Variants in SLU7 observed in about 807,000 individuals in gnomAD.
SLU7 encodes spliceosome associated SLU7.
Under a neutral mutation model 87.0 loss-of-function variants are expected in SLU7, and 60 were observed. The observed-to-expected ratio is 0.69, with a 90% CI of 0.56 to 0.86. The LOEUF is 0.86. Ranked by LOEUF, SLU7 falls within the 40% of genes least tolerant of loss-of-function variation. The probability of loss-of-function intolerance (pLI) is 0.00; values close to 1 mark genes in which losing one functional copy is unlikely to be tolerated. For synonymous variants in SLU7, 197 were observed against 222.0 expected (o/e 0.89, Z 1.00); for missense variants, 507 against 686.6 (o/e 0.74, Z 2.92).
intron 2 of SLU7, 23 bp downstream of exon 2, chr5:160,415,102 C>A: frequency 6.4e-7 from 1 of 1,551,092 alleles, no homozygotes; most frequent in Non-Finnish European, 8.7e-7. Context: ...ATGAATGGAT[C>A]ATACAAAAAA....
In SLU7 at chr5:160,414,325, T is replaced by G; in HGVS notation, c.318A>C (p.Val106=). Reference sequence around the variant, plus strand: ...ATACAGGTTGCCTACATACCTCTTTTACACCCCTCTTGTACCATTCTCCAG... The same window carrying G: ...ATACAGGTTGCCTACATACCTCTTTGACACCCCTCTTGTACCATTCTCCAG... ...SSSGEWYKRG[V]KENSIITKYR... Residue 106 remains valine, a synonymous_variant, in exon 3 of 16, where the codon GTA becomes GTC. Transcript: ENST00000297151. The G allele has an allele frequency of 1.9e-6, 3 of 1,600,544 alleles. No individual in the cohort carries two copies. The highest frequency in any genetic ancestry group is 2.6e-6 in the Non-Finnish European group (3 of 1,175,334).
intron 2 of SLU7, 37 bp downstream of exon 2, chr5:160,415,088 C>A: frequency 6.7e-7 from 1 of 1,494,438 alleles, no homozygotes; most frequent in Non-Finnish European, 9.0e-7. Context: ...AATTTGAATT[C>A]TGAATGAATG....
chr5:160,404,746 G>C, intron 14 of SLU7, 63 bp downstream of exon 14: 1 of 1,156,976 alleles, frequency 8.6e-7, no homozygotes, highest in Non-Finnish European at 1.3e-6. Flanking sequence ...AAAAACTCAG[G>C]TGCAGGTTTT....
intron 15 of SLU7, 36 bp from the exon 16 acceptor site, chr5:160,403,500 T>C: frequency 6.6e-7 from 1 of 1,518,558 alleles, no homozygotes; most frequent in Non-Finnish European, 8.9e-7. Flanking sequence ...ATCACAGCTC[T>C]ACATCAGATG....
Position 160,404,445 on chromosome 5 carries a change from T to C in SLU7, c.1576A>G (p.Lys526Glu), listed in dbSNP as rs1764913676. The C allele has an allele frequency of 1.1e-5, 18 of 1,568,056 alleles. No individual in the cohort carries two copies. Among genetic ancestry groups the C allele is most frequent in the Non-Finnish European group, 1.4e-5 (16 of 1,146,424 alleles). ...ATTTAGACTTCACAAATTACCTTTT[T>C]CAATTTTTCATGCTTCTTTTCTTCA... The part of the protein sequence containing the change: ...DDEEKKHEKL[K>E]KALNAEEARL... Residue 526 changes from lysine (K) to glutamate (E), a missense_variant, in exon 15 of 16, where the codon AAA becomes GAA. Around this residue, in one of 6 missense-constraint regions of SLU7, gnomAD observed 201 missense variants for 213.4 expected, o/e 0.94. Coordinates refer to ENST00000297151, the MANE Select transcript of SLU7 (RefSeq NM_006425.5).
In SLU7 at chr5:160,413,977, A is replaced by T; in HGVS notation, c.327T>A (p.Asn109Lys). 6.4e-7 allele frequency: 1 copy of T among 1,553,072 alleles called. No individual in the cohort carries two copies. The highest frequency in any genetic ancestry group is 8.7e-7 in the Non-Finnish European group (1 of 1,144,608). ...GEWYKRGVKE[N>K]SIITKYRKGA... ...CTTTGCGGTACTTAGTAATTATGGA[A>T]TTCTATAAATATATATAAAGAAAAA... Residue 109 changes from asparagine to lysine, a missense_variant and splice_region_variant, in exon 4 of 16, where the codon AAT (asparagine) becomes AAA (lysine). Physicochemically the swap from Asn to Lys is moderately conservative, Grantham distance 94. Around this residue, in one of 6 missense-constraint regions of SLU7, gnomAD observed 155 missense variants for 154.4 expected, o/e 1.00. Coordinates refer to ENST00000297151, the MANE Select transcript of SLU7 (RefSeq NM_006425.5).
chr5:160,415,558 C>T (rs1394310547), intron 1 of SLU7, among the ~76,000 whole-genome samples: 2 of 152,212 alleles, frequency 1.3e-5, no homozygotes, highest in Non-Finnish European at 2.9e-5. Context: ...ACTCTTTTCT[C>T]ATATCCATCC....
chr5:160,406,320 TTTGAAAAAATTCCATGA>T (rs1357837053), intron 12 of SLU7, 131 bp downstream of exon 12: 3 of 604,894 alleles, frequency 5.0e-6, no homozygotes, highest in Admixed American at 3.9e-5. Context: ...TTTTTCTATT[TTTGAAAAAATTCCATGA>T]AACAGTTAAA....
Position 160,412,433 on chromosome 5 carries a change from A to T in SLU7, c.639+18T>A. ...TAAAAGAAATAAAACCTTTTTATTG[A>T]TCATTTTCATTACTTACAGCCTGTT... On this transcript the variant is annotated intron_variant, in intron 6 of 15. Coordinates refer to ENST00000297151, the MANE Select transcript of SLU7 (RefSeq NM_006425.5). The T allele has an allele frequency of 7.2e-7, 1 of 1,392,428 alleles. No individual in the cohort carries two copies. The highest frequency in any genetic ancestry group is 1.2e-5 in the South Asian group (1 of 81,574). 86.3% of individuals were successfully genotyped at this position (1,392,428 alleles called of 1,614,324 possible).
Position 160,405,137 on chromosome 5 carries a change from T to G in SLU7, c.1288-2A>C. ...TTTCCAGTACGATCCCCAGATATGC[T>G]GCAGAGAGAGAAATTAAAAAGCTTA... is the stretch of plus-strand genomic sequence containing the variant. On this transcript the variant is annotated splice_acceptor_variant, in intron 12 of 15. Coordinates refer to ENST00000297151, the MANE Select transcript of SLU7 (RefSeq NM_006425.5). LOFTEE classifies it high-confidence loss of function. The G allele has an allele frequency of 6.2e-7, 1 of 1,601,358 alleles. No homozygotes were observed. The highest frequency in any genetic ancestry group is 8.6e-7 in the Non-Finnish European group (1 of 1,169,214).
At chr5:160,410,519 G>A (rs1184848906) in intron 6 of SLU7, among the ~76,000 whole-genome samples, 1 of 151,724 alleles carries the variant, frequency 6.6e-6, no homozygotes, top group African/African-American at 2.4e-5. Context: ...GTATACATAC[G>A]TAACAAACCT....
Position 160,413,557 on chromosome 5 carries a change from G to C in SLU7, c.469C>G (p.Pro157Ala). The part of the protein sequence containing the change: ...TNIAPDEHVQ[P>A]QLMFDYDGKR... ...CCATCATAGTCAAACATCAGTTGAG[G>C]CTGGACATGTTCATCTGGAGCTATA... Residue 157 changes from proline (P) to alanine (A), a missense_variant, in exon 5 of 16, where the codon CCT (proline) becomes GCT (alanine). Pro to Ala is a conservative substitution (Grantham distance 27, BLOSUM62 -1). This residue lies in a region of SLU7 where 155 missense variants were observed against 154.4 expected (regional missense o/e 1.00). Transcript: ENST00000297151. 1 of 1,613,842 alleles carries C rather than the reference G, an allele frequency of 6.2e-7. No individual in the cohort carries two copies. The highest frequency in any genetic ancestry group is 8.5e-7 in the Non-Finnish European group (1 of 1,179,816).
Position 160,404,474 on chromosome 5 carries a change from T to C in SLU7, c.1547A>G (p.Asp516Gly), listed in dbSNP as rs1357521608. The C allele has an allele frequency of 3.7e-6, 6 of 1,605,628 alleles. No individual in the cohort carries two copies. The highest frequency in any genetic ancestry group is 2.2e-5 in the East Asian group (1 of 44,870). Residue 516 changes from aspartate (D) to glycine (G), a missense_variant, in exon 15 of 16, where the codon GAT (aspartate) becomes GGT (glycine). This residue lies in a region of SLU7 where 201 missense variants were observed against 213.4 expected (regional missense o/e 0.94). Coordinates refer to ENST00000297151, the MANE Select transcript of SLU7 (RefSeq NM_006425.5). ...KKHRKSSSDSDDEEKKHEKLK... is the reference protein window; with the variant it reads ...KKHRKSSSDSGDEEKKHEKLK... Reference sequence around the variant, plus strand: ...TTTTTCATGCTTCTTTTCTTCATCATCACTATCTGAACTGCTCTTTCGATG... The same window carrying C: ...TTTTTCATGCTTCTTTTCTTCATCACCACTATCTGAACTGCTCTTTCGATG...
In SLU7 at chr5:160,405,073, GA is replaced by G; in HGVS notation, c.1349del (p.Phe450SerfsTer22). 6.2e-7 allele frequency: 1 copy of G among 1,613,646 alleles called. No individual in the cohort carries two copies. Among genetic ancestry groups the G allele is most frequent in the Non-Finnish European group, 8.5e-7 (1 of 1,179,680 alleles). The stretch of plus-strand genomic sequence containing the variant: ...CTTCTCCAGTACAATAGGAATACTT[GA>G]AAAAAGAGTGACAGCATTTGTATCC... ...RWGYKCCHSF[F>X]KYSYCTGEAG... On this transcript the variant is annotated frameshift_variant, in exon 13 of 16. Coordinates refer to ENST00000297151, the MANE Select transcript of SLU7 (RefSeq NM_006425.5). LOFTEE classifies it high-confidence loss of function.
chr5:160,404,665 G>T, intron 14 of SLU7, 109 bp from the exon 15 acceptor site: 1 of 878,056 alleles, frequency 1.1e-6, no homozygotes, highest in Admixed American at 2.3e-5. Context: ...GGCGGAAGTT[G>T]CAGTGGGCCC....
intron 1 of SLU7, among the ~76,000 whole-genome samples, chr5:160,415,527 G>A (rs767917379): frequency 2.0e-5 from 3 of 152,112 alleles, no homozygotes; most frequent in Non-Finnish European, 4.4e-5. Flanking sequence ...AGACACACAC[G>A]TGTATTTAAA....
Position 160,408,313 on chromosome 5 carries a change from A to C in SLU7, c.819+16T>G. On this transcript the variant is annotated intron_variant, in intron 8 of 15. Coordinates refer to ENST00000297151, the MANE Select transcript of SLU7 (RefSeq NM_006425.5). ...AAGTATTTTTCAAATATGTATGTTA[A>C]GCTGACAAGACTTACTTTTGCAATA... The C allele has an allele frequency of 6.2e-7, 1 of 1,602,006 alleles. No individual in the cohort carries two copies. The highest frequency in any genetic ancestry group is 8.5e-7 in the Non-Finnish European group (1 of 1,174,194).
At chr5:160,413,037 TA>T (rs1765304959) in intron 5 of SLU7, among the ~76,000 whole-genome samples, 5 of 152,078 alleles carry the variant, frequency 3.3e-5, no homozygotes, top group Admixed American at 3.3e-4. Context: ...TAAAATAAAA[TA>T]AAATTTTCTG....
Position 160,414,421 on chromosome 5 carries a change from A to G in SLU7, c.222T>C (p.Ile74=), listed in dbSNP as rs1250442071. The change falls in exon 3 of 16, where the codon ATT becomes ATC. Residue 74 remains isoleucine (I), a synonymous_variant. Coordinates refer to ENST00000297151, the MANE Select transcript of SLU7 (RefSeq NM_006425.5). ...TTAAAGTAGGTCTTTTTGAAGGATC[A>G]ATATACCATGGCACTGAAGAAATAT... is the stretch of plus-strand genomic sequence containing the variant. ...PQYISSVPWY[I]DPSKRPTLKH... is the part of the protein sequence containing the mutation. The G allele has an allele frequency of 6.2e-7, 1 of 1,609,950 alleles. No individual in the cohort carries two copies. Among genetic ancestry groups the G allele is most frequent in the Non-Finnish European group, 8.5e-7 (1 of 1,177,308 alleles).
Sources: gnomAD v4.1 joint callset for allele counts (sites outside exome capture counted in the v4.1 genomes callset) on GRCh38, gnomAD v4.1.1 for gene constraint, gnomAD v4.1.1 regional missense constraint, MANE v1.5 for transcripts, NCBI Gene and HGNC (gene_info 2026-07-23, HGNC 2026-07-21) for gene names.